PLCL1: variants seen among roughly 807,000 people sequenced by gnomAD.
PLCL1 encodes the protein phospholipase C like 1 (inactive).
Under a neutral mutation model 84.4 loss-of-function variants are expected in PLCL1, and 41 were observed. The observed-to-expected ratio is 0.49, with a 90% CI of 0.38 to 0.63. The LOEUF (loss-of-function observed/expected upper bound fraction) is 0.63. Among genes scored for constraint, PLCL1 ranks in the 30% least tolerant of loss-of-function variants. The pLI is 0.00. For missense variants in PLCL1, 1,206 were observed against 1,367.8 expected, an observed-to-expected ratio of 0.88 and a Z score of 1.87; for synonymous variants, 490 against 488.3, an observed-to-expected ratio of 1.00 and a Z score of -0.05.
chr2:197,959,294 CT>C (rs1329803559), intron 1 of PLCL1, among the ~76,000 whole-genome samples: 1 of 151,968 alleles, frequency 6.6e-6, no homozygotes. Flanking sequence ...CAGTTGATGT[CT>C]GAAATCAGTC....
intron 5 of PLCL1, among the ~76,000 whole-genome samples, chr2:198,144,591 G>A (rs936212787): frequency 6.6e-6 from 1 of 152,070 alleles, no homozygotes; most frequent in African/African-American, 2.4e-5. Flanking sequence ...TCAACATATT[G>A]TCTTTAATCT....
At chr2:198,101,408 G>A (rs1391271834) in intron 4 of PLCL1, 48 bp downstream of exon 4, 4 of 1,020,450 alleles carry the variant, frequency 3.9e-6, no homozygotes, top group African/African-American at 3.4e-5. Context: ...TATTTTGTTT[G>A]GAAACTATAA....
chr2:197,955,134 C>T (rs1179443802), intron 1 of PLCL1, among the ~76,000 whole-genome samples: 1 of 152,066 alleles, frequency 6.6e-6, no homozygotes, highest in Non-Finnish European at 1.5e-5. Context: ...GTTACCACCA[C>T]TCTTCTAGAT....
intron 5 of PLCL1, among the ~76,000 whole-genome samples, chr2:198,145,429 C>T (rs1694495987): frequency 6.6e-6 from 1 of 152,192 alleles, no homozygotes; most frequent in African/African-American, 2.4e-5. Flanking sequence ...AAGGCCTGAA[C>T]TTTAGTCCCA....
chr2:197,953,935 A>G (rs1433170265), intron 1 of PLCL1, among the ~76,000 whole-genome samples: 1 of 150,920 alleles, frequency 6.6e-6, no homozygotes, highest in East Asian at 2.0e-4. Flanking sequence ...ATCTGCATGT[A>G]TTTTTACTGG....
intron 1 of PLCL1, among the ~76,000 whole-genome samples, chr2:198,081,042 G>T (rs1427829330): frequency 6.6e-6 from 1 of 152,136 alleles, no homozygotes; most frequent in African/African-American, 2.4e-5. Context: ...GAGTGGTTTT[G>T]TTCTTACAAA....
In PLCL1 at chr2:197,842,183, C is replaced by A. The variant is rs193289453; in HGVS notation, c.240+36844C>A. ...TCCTATCTTTCCCTATAACCATAGC[C>A]TACCTGCCCCTTACATGATCTTTCA... On this transcript the variant is annotated intron_variant, in intron 1 of 5. Coordinates refer to ENST00000428675, the MANE Select transcript of PLCL1 (RefSeq NM_006226.4). Among the ~76,000 whole-genome samples, 67 of 152,258 alleles carry A rather than the reference C, an allele frequency of 4.4e-4. 2 individuals carry two copies. The South Asian group carries it at 9.9e-3, about 23-fold the overall frequency.
intron 1 of PLCL1, among the ~76,000 whole-genome samples, chr2:198,012,416 C>T (rs746644362): frequency 2.0e-5 from 3 of 152,052 alleles, no homozygotes; most frequent in Non-Finnish European, 2.9e-5. Flanking sequence ...TGCAGTCAGT[C>T]AAGGCCATCT....
chr2:197,970,206 T>C (rs1026037052), intron 1 of PLCL1, among the ~76,000 whole-genome samples: 4 of 152,200 alleles, frequency 2.6e-5, no homozygotes, highest in African/African-American at 9.6e-5. Flanking sequence ...CTTCTTGCTA[T>C]GTTATCCTAT....
At chr2:198,099,060 G>A (rs1259874135) in intron 3 of PLCL1, among the ~76,000 whole-genome samples, 1 of 152,156 alleles carries the variant, frequency 6.6e-6, no homozygotes, top group Non-Finnish European at 1.5e-5. Flanking sequence ...CCAGAGAAAA[G>A]CTCTTTGTAT....
At chr2:197,930,147 A>G (rs1688905045) in intron 1 of PLCL1, among the ~76,000 whole-genome samples, 1 of 152,212 alleles carries the variant, frequency 6.6e-6, no homozygotes, top group Non-Finnish European at 1.5e-5. Context: ...AACTTAAGTG[A>G]TCTGCAATGG....
At chr2:198,055,521 G>GTTT (rs1553514865) in intron 1 of PLCL1, among the ~76,000 whole-genome samples, 5 of 144,836 alleles carry the variant, frequency 3.5e-5, no homozygotes, top group African/African-American at 7.7e-5. Context: ...CTTTTATTTT[G>GTTT]TTTTTTTTTT....
At chr2:197,886,957 C>T (rs1687934819) in intron 1 of PLCL1, among the ~76,000 whole-genome samples, 2 of 152,180 alleles carry the variant, frequency 1.3e-5, no homozygotes, top group Admixed American at 1.3e-4. Flanking sequence ...CTTTAACATA[C>T]ATTATTTTAT....
intron 1 of PLCL1, among the ~76,000 whole-genome samples, chr2:197,953,207 G>A (rs1004494026): frequency 6.6e-6 from 1 of 152,068 alleles, no homozygotes; most frequent in African/African-American, 2.4e-5. Flanking sequence ...TGCTGACTCT[G>A]AAGCTTCTTT....
intron 2 of PLCL1, 152 bp from the exon 3 acceptor site, chr2:198,088,706 G>A: frequency 2.8e-6 from 2 of 704,208 alleles, no homozygotes; most frequent in South Asian, 3.2e-5. Context: ...GTTGTTTGTG[G>A]TGATTGCTAA....
At chr2:197,853,920 C>T (rs1687286277) in intron 1 of PLCL1, among the ~76,000 whole-genome samples, 1 of 152,132 alleles carries the variant, frequency 6.6e-6, no homozygotes. Context: ...TCAGTGGTAG[C>T]AGACACTTAT....
intron 1 of PLCL1, among the ~76,000 whole-genome samples, chr2:198,064,224 C>T (rs1412412873): frequency 6.6e-6 from 1 of 151,876 alleles, no homozygotes; most frequent in Non-Finnish European, 1.5e-5. Flanking sequence ...AACATAAGTC[C>T]CTAGTCCTCC....
At chr2:198,040,135 G>A (rs1574266631) in intron 1 of PLCL1, among the ~76,000 whole-genome samples, 1 of 152,242 alleles carries the variant, frequency 6.6e-6, no homozygotes, top group East Asian at 1.9e-4. Flanking sequence ...TTCTTTTTCT[G>A]AATCTTACTT....
In PLCL1 at chr2:198,117,315, C is replaced by T. The variant is rs1348096448; in HGVS notation, c.3105+13379C>T. On this transcript the variant is annotated intron_variant, in intron 5 of 5. Transcript: ENST00000428675. ...TTGGGTCAGAAATATGGGTCTCTAT[C>T]AGTCATTTTCTGTTTTTTTTTTCTT... is the stretch of plus-strand genomic sequence containing the variant. 2.9e-4 allele frequency among the ~76,000 whole-genome samples: 42 copies of T among 145,906 alleles called. 1 individual carries two copies. In the Admixed American group the frequency reaches 3.0e-3, roughly 10 times the overall value.
Sources: allele counts gnomAD v4.1 joint callset (sites outside exome capture counted in the v4.1 genomes callset), GRCh38; gene constraint gnomAD v4.1.1; transcripts MANE v1.5; gene names NCBI Gene and HGNC (gene_info 2026-07-23, HGNC 2026-07-21).